NUP98: variants seen among roughly 807,000 people sequenced by gnomAD.
NUP98 encodes the protein nucleoporin 98 and 96 precursor.
Under a neutral mutation model 191.9 loss-of-function variants are expected in NUP98, and 26 were observed. The ratio of observed to expected loss-of-function variants is 0.14; its 90% CI spans 0.10 to 0.19. NUP98 has a LOEUF of 0.19. Ranked by LOEUF, NUP98 falls within the 10% of genes least tolerant of loss-of-function variation. The pLI is 1.00. For missense variants in NUP98, 1,941 were observed against 2,178.8 expected (o/e 0.89, Z 2.17); for synonymous variants, 808 against 778.4 (o/e 1.04, Z -0.63).
intron 14 of NUP98, among the ~76,000 whole-genome samples, chr11:3,726,905 G>A (rs879023506): frequency 2.0e-5 from 3 of 151,870 alleles, no homozygotes; most frequent in East Asian, 3.9e-4. Flanking sequence ...GGGACTATCG[G>A]CATGTGCCAT....
intron 25 of NUP98, chr11:3,696,747 T>C (rs1189903030): frequency 2.6e-5 from 4 of 151,528 alleles, no homozygotes; most frequent in African/African-American, 4.9e-5. Flanking sequence ...GAGGCAAACG[T>C]TGTAGTGAGC....
chr11:3,728,547 AAC>A (rs1428850380), intron 14 of NUP98, among the ~76,000 whole-genome samples: 3 of 152,150 alleles, frequency 2.0e-5, no homozygotes, highest in African/African-American at 7.2e-5. Context: ...CATCCTGGCT[AAC>A]ACAGTGAAAC....
At chr11:3,676,861 G>A (rs962294352) in intron 31 of NUP98, among the ~76,000 whole-genome samples, 9 of 152,126 alleles carry the variant, frequency 5.9e-5, no homozygotes, top group Admixed American at 3.3e-4. Context: ...TTGAGATCCC[G>A]AACTATACAG....
chr11:3,700,524 G>C, intron 24 of NUP98, 86 bp downstream of exon 24: 1 of 881,336 alleles, frequency 1.1e-6, no homozygotes, highest in Non-Finnish European at 1.8e-6. Context: ...TACTAGACTG[G>C]TGCCAGGAAA....
intron 20 of NUP98, among the ~76,000 whole-genome samples, chr11:3,708,177 C>G (rs1287948992): frequency 1.3e-5 from 2 of 152,144 alleles, no homozygotes; most frequent in Non-Finnish European, 2.9e-5. Flanking sequence ...GTGTCTAGCA[C>G]ATCACTAAGT....
intron 12 of NUP98, among the ~76,000 whole-genome samples, chr11:3,736,633 A>G (rs920946696): frequency 6.6e-6 from 1 of 152,240 alleles, no homozygotes; most frequent in Non-Finnish European, 1.5e-5. Context: ...GCCTCAAACA[A>G]ACAAACAAAA....
At chr11:3,789,185 C>G (rs2082250235) in intron 1 of NUP98, among the ~76,000 whole-genome samples, 1 of 152,098 alleles carries the variant, frequency 6.6e-6, no homozygotes, top group Non-Finnish European at 1.5e-5. Flanking sequence ...TCAAAAGCAG[C>G]ATTTTGTTTA....
At chr11:3,794,478 G>A (rs376626995) in intron 1 of NUP98, among the ~76,000 whole-genome samples, 13 of 152,052 alleles carry the variant, frequency 8.5e-5, no homozygotes, top group East Asian at 3.9e-4. Flanking sequence ...ATGCTGCCAC[G>A]CCCAGCTAAT....
chr11:3,767,830 C>CA (rs1385456542), intron 8 of NUP98, among the ~76,000 whole-genome samples: 36 of 148,400 alleles, frequency 2.4e-4, no homozygotes, highest in Admixed American at 1.6e-3. Context: ...AAAAAAAAAA[C>CA]AAAAAAACTT....
chr11:3,705,504 T>A, intron 21 of NUP98, 148 bp from the exon 22 acceptor site: 1 of 700,936 alleles, frequency 1.4e-6, no homozygotes, highest in South Asian at 1.9e-5. Context: ...ATGGACCCCA[T>A]TACACTGTGT....
chr11:3,692,780 T>G (rs112087634), intron 27 of NUP98, among the ~76,000 whole-genome samples: 1 of 152,158 alleles, frequency 6.6e-6, no homozygotes, highest in South Asian at 2.1e-4. Context: ...CTCTTACTCC[T>G]GACAAATAAT....
chr11:3,758,291 C>T lies in NUP98; in HGVS notation c.1174+2248G>A, dbSNP rs572185761. On this transcript the variant is annotated intron_variant, in intron 10 of 32. Coordinates refer to ENST00000324932, the MANE Select transcript of NUP98 (RefSeq NM_016320.5). ...AGCCCATATCTGGCCACTGCACTCC[C>T]GCCTGGGAGACAGAGCGAGACTCCG... is the stretch of plus-strand genomic sequence containing the variant. Among the ~76,000 whole-genome samples, 31 of 149,908 alleles carry T rather than the reference C, an allele frequency of 2.1e-4. 1 individual carries two copies. In the South Asian group the frequency reaches 5.5e-3, roughly 27 times the overall value.
chr11:3,754,941 CAA>C (rs34606573), intron 10 of NUP98, among the ~76,000 whole-genome samples: 3 of 66,228 alleles, frequency 4.5e-5, no homozygotes, highest in African/African-American at 6.0e-5. Flanking sequence ...GACACTATCT[CAA>C]AAAAAAAAAA....
chr11:3,740,466 A>G (rs2599735), intron 12 of NUP98, among the ~76,000 whole-genome samples: 151,138 of 151,468 alleles, frequency 1, 75,404 homozygotes, highest in Middle Eastern at 1. Flanking sequence ...AGCCAAGATC[A>G]AGATCACACC....
At chr11:3,778,794 A>G in intron 4 of NUP98, 79 bp downstream of exon 4, 1 of 1,439,966 alleles carries the variant, frequency 6.9e-7, no homozygotes, top group Non-Finnish European at 9.5e-7. Flanking sequence ...AGATGAACAC[A>G]GAAAAACGGA....
At chr11:3,789,182 C>T (rs759237057) in intron 1 of NUP98, among the ~76,000 whole-genome samples, 19 of 152,116 alleles carry the variant, frequency 1.2e-4, no homozygotes, top group Non-Finnish European at 1.9e-4. Flanking sequence ...TCCTCAAAAG[C>T]AGCATTTTGT....
intron 23 of NUP98, among the ~76,000 whole-genome samples, chr11:3,701,475 T>G (rs900323559): frequency 2.6e-5 from 4 of 152,008 alleles, no homozygotes; most frequent in Non-Finnish European, 5.9e-5. Flanking sequence ...TTGGCCAGGC[T>G]GGTCTCGAAC....
intron 7 of NUP98, among the ~76,000 whole-genome samples, chr11:3,771,054 G>C (rs975968161): frequency 7.2e-5 from 11 of 152,074 alleles, no homozygotes; most frequent in African/African-American, 2.4e-4. Flanking sequence ...GTAGAGGCAG[G>C]GTTTTACCAT....
At position 3,782,606 on chromosome 11, in the gene NUP98, G is replaced by A. The variant is rs113556952; in HGVS notation, c.-28-461C>T. Reference sequence around the variant, plus strand: ...TTTTTTTTTTTTGAGACAGAAGGACGTGCAGTGGCTCACTGCAACCTCCTC... The same window carrying A: ...TTTTTTTTTTTTGAGACAGAAGGACATGCAGTGGCTCACTGCAACCTCCTC... On this transcript the variant is annotated intron_variant, in intron 1 of 32. Coordinates refer to ENST00000324932, the MANE Select transcript of NUP98 (RefSeq NM_016320.5). Among the ~76,000 whole-genome samples, 372 of 135,452 alleles carry A rather than the reference G, an allele frequency of 2.7e-3. 1 individual carries two copies. The highest frequency in any genetic ancestry group is 4.1e-3 in the Non-Finnish European group (264 of 65,032). The allele number at this position is 135,452 out of a possible 152,430, so 88.9% of individuals were successfully genotyped here. A position where few individuals can be genotyped will look rare whatever the true frequency, so the allele number is the denominator to read the frequency against.
Sources: allele counts gnomAD v4.1 joint callset (sites outside exome capture counted in the v4.1 genomes callset), GRCh38; gene constraint gnomAD v4.1.1; transcripts MANE v1.5; gene names NCBI Gene and HGNC (gene_info 2026-07-23, HGNC 2026-07-21).